ENTREP2: variants seen among roughly 807,000 people sequenced by gnomAD.
ENTREP2 encodes protein ENTREP2.
At chr15:29,588,848 G>C in the ENTREP2 span, among the ~76,000 whole-genome samples, 1 of 151,894 alleles carries the variant, frequency 6.6e-6, no homozygotes, top group African/African-American at 2.4e-5. Flanking sequence ...AATTAGCCTG[G>C]CATGGTGGGA....
chr15:29,597,505 T>G, the ENTREP2 span, among the ~76,000 whole-genome samples: 1 of 151,448 alleles, frequency 6.6e-6, no homozygotes, highest in Non-Finnish European at 1.5e-5. Flanking sequence ...GAGGCGGAGG[T>G]TGCTGTGAGC....
the ENTREP2 span, among the ~76,000 whole-genome samples, chr15:29,486,734 G>A: frequency 5.3e-5 from 8 of 152,096 alleles, 1 homozygote; most frequent in Admixed American, 2.0e-4. Context: ...GTCATTTACG[G>A]CAACACAGAT....
the ENTREP2 span, among the ~76,000 whole-genome samples, chr15:29,596,867 G>A: frequency 6.0e-4 from 91 of 151,826 alleles, no homozygotes; most frequent in Non-Finnish European, 1.1e-3. Flanking sequence ...ACAGGCTTTC[G>A]CCATGCTAAC....
At chr15:29,234,560 G>C in the ENTREP2 span, 1 of 1,416,944 alleles carries the variant, frequency 7.1e-7, no homozygotes, top group East Asian at 2.3e-5. Flanking sequence ...AGATGTGGCA[G>C]CACGTCGACA....
At chr15:29,277,345 GAA>G in the ENTREP2 span, among the ~76,000 whole-genome samples, 1 of 123,766 alleles carries the variant, frequency 8.1e-6, no homozygotes, top group Admixed American at 8.2e-5. Context: ...CCGTCTCAAA[GAA>G]AAAAAAAAAA....
At chr15:29,646,602 G>A in the ENTREP2 span, among the ~76,000 whole-genome samples, 10 of 152,244 alleles carry the variant, frequency 6.6e-5, no homozygotes, top group East Asian at 1.9e-4. Context: ...TTAAGGACTC[G>A]TGTAATTAGA....
chr15:29,635,706 G>A, the ENTREP2 span, among the ~76,000 whole-genome samples: 2 of 152,194 alleles, frequency 1.3e-5, no homozygotes, highest in Non-Finnish European at 2.9e-5. Flanking sequence ...CCAGCCATGC[G>A]CTGTTGATGA....
the ENTREP2 span, among the ~76,000 whole-genome samples, chr15:29,540,114 C>T: frequency 8.5e-5 from 13 of 152,282 alleles, no homozygotes; most frequent in East Asian, 1.9e-3. Flanking sequence ...CCCAGCCTTT[C>T]TGGGACCCTT....
chr15:29,144,497 G>A, the ENTREP2 span, among the ~76,000 whole-genome samples: 14 of 152,148 alleles, frequency 9.2e-5, no homozygotes, highest in African/African-American at 3.4e-4. Context: ...GGGAGCCCAA[G>A]GAGAGAGGGT....
At chr15:29,547,512 A>G in the ENTREP2 span, among the ~76,000 whole-genome samples, 65,373 of 152,038 alleles carry the variant, frequency 0.43, 14,748 homozygotes, top group African/African-American at 0.58. Flanking sequence ...GGAAATGCAA[A>G]TCAAAACCAC....
At chr15:29,207,437 C>T in the ENTREP2 span, among the ~76,000 whole-genome samples, 2 of 110,570 alleles carry the variant, frequency 1.8e-5, no homozygotes, top group Non-Finnish European at 3.9e-5. Flanking sequence ...GAGCGGTGTG[C>T]CGCTGCCGGT....
chr15:29,600,983 C>T, the ENTREP2 span, among the ~76,000 whole-genome samples: 10 of 144,892 alleles, frequency 6.9e-5, no homozygotes, highest in African/African-American at 1.4e-4. Flanking sequence ...CTGCAAGCTC[C>T]GCCTCCCGGG....
chr15:29,260,230 T>C, the ENTREP2 span, among the ~76,000 whole-genome samples: 1 of 152,182 alleles, frequency 6.6e-6, no homozygotes, highest in Non-Finnish European at 1.5e-5. Flanking sequence ...ACTCATTTCA[T>C]GAGGCAGGAT....
the ENTREP2 span, chr15:29,613,460 A>T: frequency 2.3e-6 from 1 of 438,438 alleles, no homozygotes; most frequent in Non-Finnish European, 4.5e-6. Flanking sequence ...CAGGCTCTGG[A>T]ATGGGCACCC....
chr15:29,126,514 T>C, the ENTREP2 span: 1 of 1,545,722 alleles, frequency 6.5e-7, no homozygotes, highest in South Asian at 1.2e-5. Context: ...GGACATGGCA[T>C]TAGAGTGGGC....
the ENTREP2 span, among the ~76,000 whole-genome samples, chr15:29,393,559 T>C: frequency 3.9e-5 from 6 of 152,202 alleles, no homozygotes; most frequent in Admixed American, 2.0e-4. Flanking sequence ...GCAGTGGACC[T>C]TGATGATCTG....
the ENTREP2 span, among the ~76,000 whole-genome samples, chr15:29,662,468 G>C: frequency 2.0e-5 from 3 of 152,122 alleles, no homozygotes; most frequent in Non-Finnish European, 4.4e-5. Flanking sequence ...CCAGCATAGT[G>C]ATATTCATGA....
the ENTREP2 span, among the ~76,000 whole-genome samples, chr15:29,649,898 G>T: frequency 6.6e-6 from 1 of 152,094 alleles, no homozygotes; most frequent in Non-Finnish European, 1.5e-5. Context: ...GCACAACAGA[G>T]CTTCTACCAC....
the ENTREP2 span, among the ~76,000 whole-genome samples, chr15:29,200,212 G>T: frequency 6.6e-6 from 1 of 151,976 alleles, no homozygotes; most frequent in African/African-American, 2.4e-5. Flanking sequence ...GTCTTGCTCT[G>T]TCACCCAGGC....
Sources: gnomAD v4.1 joint callset for allele counts (sites outside exome capture counted in the v4.1 genomes callset) on GRCh38, gnomAD v4.1.1 for gene constraint, MANE v1.5 for transcripts, NCBI Gene and HGNC (gene_info 2026-07-23, HGNC 2026-07-21) for gene names.